The following VGLL4 variants were observed in gnomAD, a reference collection of about 807,000 sequenced individuals.
VGLL4 encodes the protein transcription cofactor vestigial-like protein 4.
Under a neutral mutation model 21.0 loss-of-function variants are expected in VGLL4, and 7 were observed. The observed-to-expected ratio is 0.33, with a 90% CI of 0.19 to 0.63. VGLL4 has a LOEUF of 0.63. VGLL4 is among the 20% of genes least tolerant of loss of function. The pLI is 0.78. For missense variants in VGLL4, 394 were observed against 425.7 expected (o/e 0.93, Z 0.66); for synonymous variants, 222 against 173.2 (o/e 1.28, Z -2.21).
At chr3:11,621,293 G>A (rs1025476241) in intron 1 of VGLL4, among the ~76,000 whole-genome samples, 8 of 152,020 alleles carry the variant, frequency 5.3e-5, no homozygotes, top group African/African-American at 1.2e-4. Context: ...TCTTCACCCC[G>A]AAAAGAAACC....
chr3:11,675,430 G>A lies in VGLL4; in HGVS notation c.64+27541C>T, dbSNP rs552050217. ...TGCGTGATGTGCTTACTACATTCAGGGGTTCTAGGGCAGTATGGGGCTTGT... is the reference window on the plus strand; with the variant it reads ...TGCGTGATGTGCTTACTACATTCAGAGGTTCTAGGGCAGTATGGGGCTTGT... On this transcript the variant is annotated intron_variant, in intron 2 of 5. Transcript: ENST00000273038. Among the ~76,000 whole-genome samples the A allele has an allele frequency of 3.3e-5, 5 of 152,234 alleles. 1 individual carries two copies. In the South Asian group the frequency reaches 1.0e-3, roughly 32 times the overall value.
chr3:11,578,089 C>T (rs916277814), intron 2 of VGLL4, among the ~76,000 whole-genome samples: 5 of 152,176 alleles, frequency 3.3e-5, no homozygotes, highest in African/African-American at 1.2e-4. Flanking sequence ...GAAACACCAG[C>T]GTAGACAGTC....
At chr3:11,590,687 T>C (rs1474974268) in intron 2 of VGLL4, among the ~76,000 whole-genome samples, 1 of 151,804 alleles carries the variant, frequency 6.6e-6, no homozygotes, top group African/African-American at 2.4e-5. Flanking sequence ...TGTGTGTGTG[T>C]GTGTGTGTGT....
intron 1 of VGLL4, among the ~76,000 whole-genome samples, chr3:11,623,720 G>A (rs2075305340): frequency 6.6e-6 from 1 of 150,936 alleles, no homozygotes; most frequent in Non-Finnish European, 1.5e-5. Flanking sequence ...GTGGTTCTCA[G>A]TTTAATTTCA....
At chr3:11,628,904 G>A (rs930280770) in intron 1 of VGLL4, among the ~76,000 whole-genome samples, 1 of 152,144 alleles carries the variant, frequency 6.6e-6, no homozygotes, top group African/African-American at 2.4e-5. Context: ...CCAAACAATT[G>A]CCAAAGATTT....
chr3:11,678,232 T>A (rs958363999), intron 2 of VGLL4, among the ~76,000 whole-genome samples: 9 of 152,078 alleles, frequency 5.9e-5, no homozygotes, highest in African/African-American at 1.9e-4. Context: ...TTTTTTGTAT[T>A]TTTAGTAGAG....
intron 1 of VGLL4, among the ~76,000 whole-genome samples, chr3:11,621,459 CAT>C (rs72362851): frequency 0.099 from 15,040 of 152,202 alleles, 1,144 homozygotes; most frequent in African/African-American, 0.2. Flanking sequence ...TTCTTTCACT[CAT>C]AATGTTTTAA....
chr3:11,608,982 C>T (rs550908907), intron 1 of VGLL4, among the ~76,000 whole-genome samples: 1 of 152,266 alleles, frequency 6.6e-6, no homozygotes, highest in East Asian at 1.9e-4. Context: ...CTGCGTCAGC[C>T]TCCCGAGTGT....
In VGLL4 at chr3:11,709,435, T is replaced by TCAAAAA. The variant is rs1228813940; in HGVS notation, c.-13-6389_-13-6388insTTTTTG. 3.4e-4 allele frequency among the ~76,000 whole-genome samples: 37 copies of TCAAAAA among 108,826 alleles called. 1 individual carries two copies. Among genetic ancestry groups the TCAAAAA allele is most frequent in the African/African-American group, 1.2e-3 (35 of 29,828 alleles). The allele number at this position is 108,826 out of a possible 152,430, so 71.4% of individuals were successfully genotyped here. On this transcript the variant is annotated intron_variant, in intron 1 of 5. Transcript: ENST00000273038. ...CCAGGGAACAGTGCAAGACTCCGTC[T>TCAAAAA]AAAAAAAAAAAAAAAAAAAAAAAAA...
At position 11,583,725 on chromosome 3, in the gene VGLL4, C is replaced by A. The variant is rs891363199; in HGVS notation, c.272+18108G>T. ...CAGGCCTGCCTCTGGGAGACAGTGG[C>A]CATAGCCCCCTCAGCTCCGCCAAGG... On this transcript the variant is annotated intron_variant, in intron 2 of 4. Coordinates refer to ENST00000430365, the MANE Select transcript of VGLL4 (RefSeq NM_001128219.3). Among the ~76,000 whole-genome samples, 4 of 152,162 alleles carry A rather than the reference C, an allele frequency of 2.6e-5. No individual in the cohort carries two copies. The South Asian group carries it at 8.3e-4, about 32-fold the overall frequency.
At chr3:11,667,834 A>G (rs1407918115) in intron 2 of VGLL4, among the ~76,000 whole-genome samples, 4 of 123,724 alleles carry the variant, frequency 3.2e-5, no homozygotes, top group East Asian at 2.3e-4. Context: ...TCAAATTTCT[A>G]TCTTCTTCTT....
intron 1 of VGLL4, among the ~76,000 whole-genome samples, chr3:11,639,792 C>T (rs2075654125): frequency 6.6e-6 from 1 of 152,174 alleles, no homozygotes; most frequent in East Asian, 1.9e-4. Context: ...AGGAAAATCA[C>T]TTGAACCCGG....
intron 2 of VGLL4, among the ~76,000 whole-genome samples, chr3:11,594,637 ACT>A (rs1310050465): frequency 6.6e-6 from 1 of 152,166 alleles, no homozygotes; most frequent in Non-Finnish European, 1.5e-5. Context: ...CACTGCACCC[ACT>A]GTTTGCCTTC....
intron 3 of VGLL4, 42 bp from the exon 4 acceptor site, chr3:11,559,497 G>A: frequency 1.3e-6 from 2 of 1,508,470 alleles, no homozygotes; most frequent in East Asian, 4.9e-5. Context: ...ACCAGCTTCA[G>A]TACCGGGCAC....
chr3:11,705,270 C>A (rs1296591010), intron 1 of VGLL4, among the ~76,000 whole-genome samples: 1 of 152,172 alleles, frequency 6.6e-6, no homozygotes, highest in Non-Finnish European at 1.5e-5. Flanking sequence ...AACGGGAAGG[C>A]CAGAGCCGTG....
chr3:11,577,808 T>C (rs2074097977), intron 2 of VGLL4, among the ~76,000 whole-genome samples: 1 of 152,234 alleles, frequency 6.6e-6, no homozygotes, highest in East Asian at 1.9e-4. Context: ...ATACAATTCT[T>C]TGGTCCCAGG....
intron 1 of VGLL4, among the ~76,000 whole-genome samples, chr3:11,715,336 C>CT (rs1160198286): frequency 1.3e-5 from 2 of 151,790 alleles, no homozygotes; most frequent in East Asian, 1.9e-4. Flanking sequence ...ATTATTGGTT[C>CT]TTTTTTTTAT....
intron 2 of VGLL4, among the ~76,000 whole-genome samples, chr3:11,695,822 T>C (rs1287561844): frequency 1.3e-5 from 2 of 152,058 alleles, no homozygotes; most frequent in African/African-American, 2.4e-5. Context: ...TATTTTAGGA[T>C]ATGAAAGTAA....
intron 1 of VGLL4, among the ~76,000 whole-genome samples, chr3:11,603,396 G>A (rs1229918927): frequency 6.6e-6 from 1 of 152,148 alleles, no homozygotes; most frequent in Non-Finnish European, 1.5e-5. Flanking sequence ...GCCACACTCA[G>A]AAATTCAGTA....
Sources: allele counts gnomAD v4.1 joint callset (sites outside exome capture counted in the v4.1 genomes callset), GRCh38; gene constraint gnomAD v4.1.1; transcripts MANE v1.5; gene names NCBI Gene and HGNC (gene_info 2026-07-23, HGNC 2026-07-21).